EHD1: variants seen among roughly 807,000 people sequenced by gnomAD.
The protein encoded by EHD1 is EH domain-containing protein 1.
A neutral mutation model predicts 39.0 loss-of-function variants in EHD1; 19 were observed. The ratio of observed to expected loss-of-function variants is 0.49; its 90% CI spans 0.34 to 0.72. EHD1 has a LOEUF of 0.72. EHD1 is among the 30% of genes least tolerant of loss of function. EHD1 has a pLI of 0.01. For missense variants in EHD1, 542 were observed against 751.5 expected (o/e 0.72, Z 3.26); for synonymous variants, 323 against 331.2 (o/e 0.98, Z 0.27).
intron 3 of EHD1, among the ~76,000 whole-genome samples, chr11:64,857,060 G>A (rs1396389246): frequency 2.6e-5 from 4 of 152,194 alleles, no homozygotes; most frequent in Non-Finnish European, 4.4e-5. Context: ...AGTCACCTGG[G>A]TTTTTGTATG....
chr11:64,862,098 A>G (rs1943722769), intron 2 of EHD1, among the ~76,000 whole-genome samples: 1 of 152,072 alleles, frequency 6.6e-6, no homozygotes, highest in South Asian at 2.1e-4. Context: ...TATTTTGTAG[A>G]GATGGGGGTC....
rs544399677 is a variant in EHD1, at chr11:64,875,235, C to T, written c.405-717G>A. 4.6e-5 allele frequency among the ~76,000 whole-genome samples: 7 copies of T among 152,298 alleles called. No homozygotes were observed. The East Asian group carries it at 9.6e-4, about 21-fold the overall frequency. The stretch of plus-strand genomic sequence containing the variant: ...TTGAGAGCAGGGATCCTTCACTGGA[C>T]GCAGAAAAAGCTCCTTTGAAAAGTT... On this transcript the variant is annotated intron_variant, in intron 1 of 4. Transcript: ENST00000320631.
chr11:64,864,823 G>A lies in EHD1; in HGVS notation c.503-4487C>T, dbSNP rs141109740. 5.8e-3 allele frequency among the ~76,000 whole-genome samples: 888 copies of A among 152,292 alleles called. 10 individuals are homozygous for A. The highest frequency in any genetic ancestry group is 0.02 in the African/African-American group (839 of 41,558). On this transcript the variant is annotated intron_variant, in intron 2 of 4. Transcript: ENST00000320631. ...AGCCCATGTTAGCTTTGGCCTGGGA[G>A]TCAGGACGGCGCCTGGGGAGCTGAG...
intron 3 of EHD1, 190 bp from the exon 4 acceptor site, chr11:64,855,676 G>A (rs1017129283): frequency 1.0e-4 from 75 of 749,184 alleles, no homozygotes; most frequent in African/African-American, 1.1e-4. Flanking sequence ...AATCTGGCAA[G>A]AGCCACAGCT....
intron 4 of EHD1, 194 bp downstream of exon 4, chr11:64,855,128 T>G: frequency 1.0e-6 from 1 of 979,522 alleles, no homozygotes; most frequent in Non-Finnish European, 1.5e-6. Context: ...GCAGGGTGAG[T>G]CACCACATTC....
chr11:64,866,389 G>A (rs547553415), intron 2 of EHD1, among the ~76,000 whole-genome samples: 71 of 152,304 alleles, frequency 4.7e-4, no homozygotes, highest in African/African-American at 1.7e-3. Flanking sequence ...GGTGGAATGG[G>A]TGAGGACAGA....
At position 64,878,146 on chromosome 11, in the gene EHD1, C is replaced by T. The variant is rs1479513414; in HGVS notation, c.319G>A (p.Gly107Ser). The change falls in exon 1 of 5, where the codon GGC (glycine) becomes AGC (serine). Residue 107 changes from glycine (G) to serine (S), a missense_variant. Physicochemically the swap from Gly to Ser is moderately conservative, Grantham distance 56. Transcript: ENST00000320631. ...FIAVMHGPTE[G>S]VVPGNALVVD... is the part of the protein sequence containing the mutation. ...ACGAGCGCGTTGCCCGGCACCACGC[C>T]CTCAGTGGGGCCGTGCATGACGGCG... The T allele has an allele frequency of 6.3e-7, 1 of 1,587,488 alleles. No homozygotes were observed. Among genetic ancestry groups the T allele is most frequent in the Admixed American group, 1.7e-5 (1 of 58,162 alleles).
intron 2 of EHD1, among the ~76,000 whole-genome samples, chr11:64,863,250 C>T (rs951339101): frequency 2.6e-5 from 4 of 152,232 alleles, no homozygotes; most frequent in African/African-American, 9.6e-5. Context: ...ACCACCTGCT[C>T]CTGGCATCTC....
chr11:64,878,791 C>T, upstream of EHD1: 1 of 1,214,070 alleles, frequency 8.2e-7, no homozygotes, highest in Non-Finnish European at 1.0e-6. Context: ...TTGGCTGATT[C>T]CAAATCTCGC....
chr11:64,875,409 G>A (rs1329306249), intron 1 of EHD1, among the ~76,000 whole-genome samples: 1 of 152,158 alleles, frequency 6.6e-6, no homozygotes, highest in Non-Finnish European at 1.5e-5. Flanking sequence ...AAATTAGCTG[G>A]GCATGGTGGC....
chr11:64,865,365 C>A (rs1291429219), intron 2 of EHD1, among the ~76,000 whole-genome samples: 1 of 152,276 alleles, frequency 6.6e-6, no homozygotes, highest in Non-Finnish European at 1.5e-5. Context: ...TAGATCAGAG[C>A]TGGACGGCCG....
rs556041656 is a variant in EHD1, at chr11:64,871,243, C to T, written c.502+3178G>A. ...GCTGGGGCCCTGGTGCGTGCTCTGC[C>T]GGCCCCATCTTTCCGAGAGGGAAAC... is the stretch of plus-strand genomic sequence containing the variant. On this transcript the variant is annotated intron_variant, in intron 2 of 4. Coordinates refer to ENST00000320631, the MANE Select transcript of EHD1 (RefSeq NM_006795.4). Among the ~76,000 whole-genome samples the T allele has an allele frequency of 9.8e-5, 15 of 152,318 alleles. No homozygotes were observed. In the South Asian group the frequency reaches 2.9e-3, roughly 29 times the overall value.
In EHD1 at chr11:64,878,621, T is replaced by C; in HGVS notation, c.-157A>G. Reference sequence around the variant, plus strand: ...GCCCGTCGAAGCGCCCTCTGCCGAATGCTGCGCACCCCTCGCGGAGCGGCC... The same window carrying C: ...GCCCGTCGAAGCGCCCTCTGCCGAACGCTGCGCACCCCTCGCGGAGCGGCC... On this transcript the variant is annotated 5_prime_UTR_variant, in exon 1 of 5. Coordinates refer to ENST00000320631, the MANE Select transcript of EHD1 (RefSeq NM_006795.4). 2.1e-6 allele frequency: 3 copies of C among 1,410,764 alleles called. No individual in the cohort carries two copies. Among genetic ancestry groups the C allele is most frequent in the African/African-American group, 1.5e-5 (1 of 67,236 alleles). The allele number at this position is 1,410,764 out of a possible 1,614,324, so 87.4% of individuals were successfully genotyped here.
At chr11:64,856,319 A>C (rs2136475419) in intron 3 of EHD1, 1 of 152,532 alleles carries the variant, frequency 6.6e-6, no homozygotes, top group East Asian at 1.9e-4. Flanking sequence ...GAGCCCACAG[A>C]ACTCCAATGG....
At chr11:64,860,681 C>T (rs549947215) in intron 2 of EHD1, among the ~76,000 whole-genome samples, 2 of 148,258 alleles carry the variant, frequency 1.3e-5, no homozygotes, top group Non-Finnish European at 3.0e-5. Context: ...CCCATGCCAC[C>T]GCACTCTAGC....
intron 1 of EHD1, chr11:64,877,846 C>G (rs1045599521): frequency 4.6e-6 from 2 of 431,618 alleles, no homozygotes; most frequent in Non-Finnish European, 8.0e-6. Flanking sequence ...CTGGGGAGGA[C>G]AGAAGCTGGG....
rs1943616518 is a variant in EHD1 at position 64,854,225 on chromosome 11, A to G, written c.*108T>C. 1.4e-6 allele frequency: 2 copies of G among 1,438,630 alleles called. No individual in the cohort carries two copies. Among genetic ancestry groups the G allele is most frequent in the South Asian group, 1.4e-5 (1 of 69,322 alleles). The allele number at this position is 1,438,630 out of a possible 1,614,324, so 89.1% of individuals were successfully genotyped here. A position where few individuals can be genotyped will look rare whatever the true frequency, so the allele number is the denominator to read the frequency against. ...TGGTTTTCCTTTTCGAGAGGCGAGG[A>G]AACATCCGCTCAGTCTTTATGGACC... On this transcript the variant is annotated 3_prime_UTR_variant, in exon 5 of 5. Coordinates refer to ENST00000320631, the MANE Select transcript of EHD1 (RefSeq NM_006795.4).
rs1315428781 is a variant in EHD1, at chr11:64,851,888, T to C, written c.*2445A>G. The C allele has an allele frequency of 6.6e-6, 1 of 152,162 alleles. No homozygotes were observed. The highest frequency in any genetic ancestry group is 1.5e-5 in the Non-Finnish European group (1 of 68,010). 9.4% of individuals were successfully genotyped at this position (152,162 alleles called of 1,614,324 possible). ...ATGGGGGAACATGAACTTCCTCAGATCGTGACAGCGCAGCTCCACCTGGCA... is the reference window on the plus strand; with the variant it reads ...ATGGGGGAACATGAACTTCCTCAGACCGTGACAGCGCAGCTCCACCTGGCA... On this transcript the variant is annotated 3_prime_UTR_variant, in exon 5 of 5. Coordinates refer to ENST00000320631, the MANE Select transcript of EHD1 (RefSeq NM_006795.4).
At chr11:64,878,720 A>T (rs1381742922), upstream of EHD1, 2 of 1,337,870 alleles carry the variant, frequency 1.5e-6, no homozygotes, top group Non-Finnish European at 1.9e-6. Context: ...GGCGGTAGGG[A>T]GGAGCCCCTC....
Sources: gnomAD v4.1 joint callset for allele counts (sites outside exome capture counted in the v4.1 genomes callset) on GRCh38, gnomAD v4.1.1 for gene constraint, MANE v1.5 for transcripts, NCBI Gene and HGNC (gene_info 2026-07-23, HGNC 2026-07-21) for gene names.